The following ZNF101 variants were observed in gnomAD, a reference collection of about 807,000 sequenced individuals.
The protein encoded by ZNF101 is zinc finger protein 101, also known as zinc finger protein 101 (Y2).
A neutral mutation model predicts 42.6 loss-of-function variants in ZNF101; 34 were observed. The ratio of observed to expected loss-of-function variants is 0.80; its 90% CI spans 0.61 to 1.06. The LOEUF is 1.06. ZNF101 is among the 50% of genes least tolerant of loss of function. ZNF101 has a pLI of 0.00. For missense variants in ZNF101, 466 were observed against 530.9 expected, an observed-to-expected ratio of 0.88 and a Z score of 1.20; for synonymous variants, 158 against 183.9, an observed-to-expected ratio of 0.86 and a Z score of 1.14.
Position 19,679,511 on chromosome 19 carries a change from C to T in ZNF101, c.522C>T (p.Cys174=), listed in dbSNP as rs761951521. 2.8e-5 allele frequency: 45 copies of T among 1,614,030 alleles called. No individual in the cohort carries two copies. Among genetic ancestry groups the T allele is most frequent in the South Asian group, 2.0e-4 (18 of 91,080 alleles). Residue 174 remains cysteine (C), a synonymous_variant, in exon 4 of 4, where the codon TGC becomes TGT. Transcript: ENST00000592502. ...AGAGACCTTATGAATGCAAGGTGTG[C>T]GGGAAAGCCTTTAATTCTCCCAATT... is the stretch of plus-strand genomic sequence containing the variant. ...TRKRPYECKV[C]GKAFNSPNLF... is the part of the protein sequence containing the mutation.
In ZNF101 at chr19:19,679,794, C is replaced by T. The variant is rs144162757; in HGVS notation, c.805C>T (p.Arg269Trp). 1.9e-6 allele frequency: 3 copies of T among 1,613,390 alleles called. No homozygotes were observed. Among genetic ancestry groups the T allele is most frequent in the South Asian group, 2.2e-5 (2 of 91,046 alleles). ...GKAFISAGYL[R>W]THEIRSHALE... Reference sequence around the variant, plus strand: ...AGCCTTCATTTCCGCAGGTTACCTTCGGACACATGAAATCAGATCTCACGC... The same window carrying T: ...AGCCTTCATTTCCGCAGGTTACCTTTGGACACATGAAATCAGATCTCACGC... Residue 269 changes from arginine (R) to tryptophan (W), a missense_variant, in exon 4 of 4, where the codon CGG (arginine) becomes TGG (tryptophan). Transcript: ENST00000592502.
chr19:19,674,421 T>C (rs2062190023), intron 1 of ZNF101, among the ~76,000 whole-genome samples: 10 of 151,746 alleles, frequency 6.6e-5, no homozygotes, highest in Admixed American at 4.6e-4. Context: ...AGTGATCTAC[T>C]CGCCTCGACC....
chr19:19,678,244 AAG>A (rs1356381888), intron 2 of ZNF101, among the ~76,000 whole-genome samples: 1 of 151,442 alleles, frequency 6.6e-6, no homozygotes, highest in Non-Finnish European at 1.5e-5. Context: ...AAAAAAAAAA[AAG>A]TGGGGGGTGG....
At chr19:19,672,033 G>A (rs2062173371) in intron 1 of ZNF101, among the ~76,000 whole-genome samples, 1 of 148,682 alleles carries the variant, frequency 6.7e-6, no homozygotes, top group Non-Finnish European at 1.5e-5. Context: ...GTCCAGCCTG[G>A]GCAATATAGT....
chr19:19,677,787 G>T, intron 1 of ZNF101, 77 bp from the exon 2 acceptor site: 1 of 1,557,026 alleles, frequency 6.4e-7, no homozygotes, highest in Non-Finnish European at 8.7e-7. Context: ...CGGCGTCATG[G>T]GATCACTCAT....
In ZNF101 at chr19:19,682,641, AAGTT is replaced by A. The variant is rs1372719906; in HGVS notation, c.*2347_*2350del. The A allele has an allele frequency of 6.6e-6, 1 of 152,228 alleles. No homozygotes were observed. The allele number at this position is 152,228 out of a possible 1,614,324, so 9.4% of individuals were successfully genotyped here. Reference sequence around the variant, plus strand: ...GTTTAATAGGAAGTGTTTTTATCCTAAGTTAGTTAATAAAATTTTTTTCTATCCA... The same window carrying A: ...GTTTAATAGGAAGTGTTTTTATCCTAAGTTAATAAAATTTTTTTCTATCCA... On this transcript the variant is annotated 3_prime_UTR_variant, in exon 4 of 4. Coordinates refer to ENST00000592502, the MANE Select transcript of ZNF101 (RefSeq NM_033204.4).
At chr19:19,679,032 A>G (rs1298130969) in intron 3 of ZNF101, 149 bp from the exon 4 acceptor site, 14 of 1,361,806 alleles carry the variant, frequency 1.0e-5, no homozygotes, top group African/African-American at 1.5e-5. Flanking sequence ...TAGCAGAATC[A>G]TCAATACACT....
chr19:19,679,486 A>G lies in ZNF101; in HGVS notation c.497A>G (p.Lys166Arg). Residue 166 changes from lysine to arginine, a missense_variant, in exon 4 of 4, where the codon AAG becomes AGG. Coordinates refer to ENST00000592502, the MANE Select transcript of ZNF101 (RefSeq NM_033204.4). Reference protein sequence around the residue: ...GARRTVTPTRKRPYECKVCGK... With the variant: ...GARRTVTPTRRRPYECKVCGK... ...CGGCGCACAGTAACACCAACTCGAA[A>G]GAGACCTTATGAATGCAAGGTGTGC... 6.2e-7 allele frequency: 1 copy of G among 1,614,164 alleles called. No homozygotes were observed. Among genetic ancestry groups the G allele is most frequent in the Non-Finnish European group, 8.5e-7 (1 of 1,180,032 alleles).
At chr19:19,676,016 T>G (rs1341189105) in intron 1 of ZNF101, 2 of 148,560 alleles carry the variant, frequency 1.3e-5, no homozygotes, top group African/African-American at 5.2e-5. Context: ...ATATCAATCT[T>G]TATTTATTTA....
intron 1 of ZNF101, among the ~76,000 whole-genome samples, chr19:19,673,522 G>A (rs1207621142): frequency 3.3e-5 from 5 of 151,428 alleles, no homozygotes; most frequent in African/African-American, 9.7e-5. Flanking sequence ...TGCTAGGGTT[G>A]CAGGCATGAG....
chr19:19,679,093 TG>T, intron 3 of ZNF101, 87 bp from the exon 4 acceptor site: 1 of 1,517,658 alleles, frequency 6.6e-7, no homozygotes, highest in East Asian at 2.3e-5. Context: ...TTCCTGATTT[TG>T]GTAGCAGCAT....
At chr19:19,671,814 A>G (rs1481098065) in intron 1 of ZNF101, among the ~76,000 whole-genome samples, 1 of 152,000 alleles carries the variant, frequency 6.6e-6, no homozygotes. Flanking sequence ...TTTTCAACGT[A>G]TGCTTTTTAC....
At chr19:19,668,182 G>C (rs1042746366), upstream of ZNF101, among the ~76,000 whole-genome samples, 3 of 152,032 alleles carry the variant, frequency 2.0e-5, no homozygotes, top group South Asian at 2.1e-4. Flanking sequence ...TCAGCCGAAA[G>C]GACGAAGAGA....
intron 1 of ZNF101, among the ~76,000 whole-genome samples, chr19:19,669,208 C>T (rs951741200): frequency 6.6e-6 from 1 of 152,216 alleles, no homozygotes; most frequent in Non-Finnish European, 1.5e-5. Flanking sequence ...CCCGCGTCTC[C>T]CCAGATCGTG....
intron 1 of ZNF101, 145 bp downstream of exon 1, chr19:19,669,111 C>T: frequency 8.1e-7 from 1 of 1,230,714 alleles, no homozygotes; most frequent in Non-Finnish European, 1.1e-6. Context: ...TCCCCTCGGT[C>T]GCCGGGTGGA....
Position 19,682,027 on chromosome 19 carries a change from A to G in ZNF101, c.*1727A>G, listed in dbSNP as rs2062242855. 2 of 149,524 alleles carry G rather than the reference A, an allele frequency of 1.3e-5. No individual in the cohort carries two copies. Among genetic ancestry groups the G allele is most frequent in the Middle Eastern group, 3.4e-3 (1 of 290 alleles). 9.3% of individuals were successfully genotyped at this position (149,524 alleles called of 1,614,324 possible). On this transcript the variant is annotated 3_prime_UTR_variant, in exon 4 of 4. Transcript: ENST00000592502. Reference sequence around the variant, plus strand: ...AACCTCCGCCTCCTGGGTGTGAGCAATTTTCCTGCCTCAGCCTCCTGAGTA... The same window carrying G: ...AACCTCCGCCTCCTGGGTGTGAGCAGTTTTCCTGCCTCAGCCTCCTGAGTA...
In ZNF101 at chr19:19,679,457, T is replaced by G. The variant is rs757273461; in HGVS notation, c.468T>G (p.Gly156=). The G allele has an allele frequency of 6.2e-7, 1 of 1,613,980 alleles. No homozygotes were observed. The change falls in exon 4 of 4, where the codon GGT becomes GGG. Residue 156 remains glycine (G), a synonymous_variant. Coordinates refer to ENST00000592502, the MANE Select transcript of ZNF101 (RefSeq NM_033204.4). ...HGKASISPSS[G]ARRTVTPTRK... ...AAGCCTCCATTTCCCCCAGTAGTGG[T>G]GCACGGCGCACAGTAACACCAACTC...
In ZNF101 at chr19:19,682,548, T is replaced by C. The variant is rs892404493; in HGVS notation, c.*2248T>C. The C allele has an allele frequency of 2.6e-5, 4 of 152,126 alleles. No individual in the cohort carries two copies. Among genetic ancestry groups the C allele is most frequent in the African/African-American group, 9.7e-5 (4 of 41,426 alleles). 9.4% of individuals were successfully genotyped at this position (152,126 alleles called of 1,614,324 possible). On this transcript the variant is annotated 3_prime_UTR_variant, in exon 4 of 4. Coordinates refer to ENST00000592502, the MANE Select transcript of ZNF101 (RefSeq NM_033204.4). ...TGTGACTCATTCTTAAAAAGGATCT[T>C]TGGATTATGGGTTTCCACTTTTGCA...
Position 19,680,221 on chromosome 19 carries a change from T to A in ZNF101, c.1232T>A (p.Leu411His), listed in dbSNP as rs2062231744. Residue 411 changes from leucine to histidine, a missense_variant, in exon 4 of 4, where the codon CTT becomes CAT. Transcript: ENST00000592502. ...TTTACTTTTTCAAATTACCTTAGAC[T>A]TCATGAAAGAACTCATTTGGCCGGG... The part of the protein sequence containing the change: ...KVFTFSNYLR[L>H]HERTHLAGRS... 6.3e-7 allele frequency: 1 copy of A among 1,583,166 alleles called. No homozygotes were observed.
Sources: allele counts gnomAD v4.1 joint callset (sites outside exome capture counted in the v4.1 genomes callset), GRCh38; gene constraint gnomAD v4.1.1; transcripts MANE v1.5; gene names NCBI Gene and HGNC (gene_info 2026-07-23, HGNC 2026-07-21).